Variants in SLC9C2 observed in about 807,000 individuals in gnomAD.
The protein encoded by SLC9C2 is sodium/hydrogen exchanger 11.
In SLC9C2, 75 loss-of-function variants were observed where a neutral mutation model predicts 140.2. The ratio of observed to expected loss-of-function variants is 0.53; its 90% confidence interval spans 0.44 to 0.65. The LOEUF (loss-of-function observed/expected upper bound fraction) is 0.65, where lower values mean the gene tolerates loss of function less well. SLC9C2 is among the 30% of genes least tolerant of loss of function. The pLI, the probability that SLC9C2 is intolerant of heterozygous loss-of-function variation, is 0.00. For missense variants in SLC9C2, 1,074 were observed against 1,331.8 expected, an observed-to-expected ratio of 0.81 and a Z score of 3.01; for synonymous variants, 375 against 420.9, an observed-to-expected ratio of 0.89 and a Z score of 1.34.
At chr1:173,542,841 G>T (rs1662534543) in intron 13 of SLC9C2, among the ~76,000 whole-genome samples, 1 of 152,096 alleles carries the variant, frequency 6.6e-6, no homozygotes, top group Non-Finnish European at 1.5e-5. Context: ...AATAAACTAG[G>T]TATTGATGGG....
At chr1:173,531,029 A>G (rs1661538738) in intron 17 of SLC9C2, among the ~76,000 whole-genome samples, 1 of 152,176 alleles carries the variant, frequency 6.6e-6, no homozygotes, top group South Asian at 2.1e-4. Context: ...GGGCACCTAA[A>G]GATTGCCAGT....
intron 8 of SLC9C2, among the ~76,000 whole-genome samples, chr1:173,575,494 A>C (rs1665116235): frequency 6.6e-6 from 1 of 152,188 alleles, no homozygotes; most frequent in Non-Finnish European, 1.5e-5. Flanking sequence ...TGGATTTAAA[A>C]ACACAGTAAT....
At position 173,581,782 on chromosome 1, in the gene SLC9C2, GA is replaced by G. The variant is rs1467338750; in HGVS notation, c.802+64del. 1.6e-5 allele frequency: 22 copies of G among 1,346,542 alleles called. No homozygotes were observed. In the East Asian group the frequency reaches 4.6e-4, roughly 28 times the overall value. 83.4% of individuals were successfully genotyped at this position (1,346,542 alleles called of 1,614,324 possible). A position where few individuals can be genotyped will look rare whatever the true frequency, so the allele number is the denominator to read the frequency against. ...GAGAAGCAACTGGATTCAAGATCAG[GA>G]AAAAATAAACATGTATAAAACTTAC... On this transcript the variant is annotated intron_variant, in intron 7 of 27. Transcript: ENST00000367714.
chr1:173,510,732 T>A (rs941925526), intron 23 of SLC9C2, among the ~76,000 whole-genome samples: 1 of 152,220 alleles, frequency 6.6e-6, no homozygotes, highest in Non-Finnish European at 1.5e-5. Flanking sequence ...ATCCAGTCTA[T>A]CATTGATGGG....
chr1:173,573,434 G>C, intron 8 of SLC9C2, 109 bp from the exon 9 acceptor site: 1 of 783,280 alleles, frequency 1.3e-6, no homozygotes, highest in Non-Finnish European at 1.9e-6. Context: ...CTTAGCAGAG[G>C]CCCTTGCCTT....
intron 26 of SLC9C2, 116 bp from the exon 27 acceptor site, chr1:173,503,442 T>C: frequency 2.2e-6 from 2 of 927,212 alleles, no homozygotes; most frequent in Middle Eastern, 2.3e-4. Context: ...CCCTTTTCCC[T>C]TCCCCCTCTC....
intron 10 of SLC9C2, among the ~76,000 whole-genome samples, chr1:173,556,972 G>T (rs1412082120): frequency 3.3e-5 from 5 of 151,472 alleles, no homozygotes; most frequent in Non-Finnish European, 5.9e-5. Flanking sequence ...GCATGTATGT[G>T]TTCAATAACA....
chr1:173,587,647 G>T lies in SLC9C2; in HGVS notation c.523+18C>A. 1 of 1,592,996 alleles carries T rather than the reference G, an allele frequency of 6.3e-7. No individual in the cohort carries two copies. Among genetic ancestry groups the T allele is most frequent in the African/African-American group, 1.3e-5 (1 of 74,174 alleles). On this transcript the variant is annotated intron_variant, in intron 5 of 27. Coordinates refer to ENST00000367714, the MANE Select transcript of SLC9C2 (RefSeq NM_178527.4). ...CCTTATATTTTCAAGATAAGAGAGA[G>T]AAATAAATGTGACATACCAATAGTT...
At chr1:173,503,629 T>C (rs1659432241) in intron 26 of SLC9C2, among the ~76,000 whole-genome samples, 1 of 152,180 alleles carries the variant, frequency 6.6e-6, no homozygotes, top group Admixed American at 6.5e-5. Flanking sequence ...GCTCCCTCTA[T>C]AGAAGCCAAA....
intron 11 of SLC9C2, among the ~76,000 whole-genome samples, chr1:173,549,191 C>G (rs578023721): frequency 2.6e-5 from 4 of 152,218 alleles, no homozygotes; most frequent in African/African-American, 9.6e-5. Context: ...AAGCTGTTCT[C>G]TCCTTAAAAT....
chr1:173,501,285 G>A (rs192826082), intron 27 of SLC9C2, among the ~76,000 whole-genome samples, 188 bp from the exon 28 acceptor site: 1 of 152,050 alleles, frequency 6.6e-6, no homozygotes, highest in Non-Finnish European at 1.5e-5. Flanking sequence ...GCATCTCTAC[G>A]CTGTCATCTT....
chr1:173,533,804 A>G lies in SLC9C2; in HGVS notation c.1975-7T>C, dbSNP rs1221966715. 2 of 1,595,256 alleles carry G rather than the reference A, an allele frequency of 1.3e-6. No homozygotes were observed. Among genetic ancestry groups the G allele is most frequent in the Non-Finnish European group, 1.7e-6 (2 of 1,171,170 alleles). On this transcript the variant is annotated splice_polypyrimidine_tract_variant and splice_region_variant and intron_variant, in intron 16 of 27. Transcript: ENST00000367714. ...TCCTTTTCAAAATTATTATCTGTAC[A>G]GAAAACAAATGTCATTTCATAGCAC... is the stretch of plus-strand genomic sequence containing the variant.
intron 7 of SLC9C2, 98 bp from the exon 8 acceptor site, chr1:173,576,858 G>A: frequency 1.3e-6 from 1 of 793,758 alleles, no homozygotes; most frequent in Non-Finnish European, 2.0e-6. Flanking sequence ...GGAATCTTAA[G>A]AGAAGTAGTA....
At chr1:173,526,533 G>A in intron 19 of SLC9C2, 130 bp downstream of exon 19, 1 of 818,196 alleles carries the variant, frequency 1.2e-6, no homozygotes, top group Non-Finnish European at 2.0e-6. Context: ...CCCATTAGCT[G>A]TGTTTAATAA....
At chr1:173,545,562 T>C (rs1374579931) in intron 13 of SLC9C2, among the ~76,000 whole-genome samples, 1 of 152,156 alleles carries the variant, frequency 6.6e-6, no homozygotes, top group Non-Finnish European at 1.5e-5. Flanking sequence ...CTTTTCTTTT[T>C]AGTTCACAGG....
intron 7 of SLC9C2, among the ~76,000 whole-genome samples, chr1:173,577,055 G>A (rs963524062): frequency 1.3e-5 from 2 of 152,224 alleles, no homozygotes; most frequent in Non-Finnish European, 2.9e-5. Context: ...GATGTGTCCA[G>A]TAAAACTTGG....
chr1:173,558,327 G>A (rs752453895), intron 9 of SLC9C2, among the ~76,000 whole-genome samples: 1 of 152,114 alleles, frequency 6.6e-6, no homozygotes, highest in Non-Finnish European at 1.5e-5. Flanking sequence ...CTTTTGCAAC[G>A]TGACTCTTAC....
chr1:173,562,295 T>C (rs981921824), intron 9 of SLC9C2, among the ~76,000 whole-genome samples: 41 of 152,200 alleles, frequency 2.7e-4, no homozygotes, highest in African/African-American at 8.7e-4. Context: ...AATCCTGAGG[T>C]CTGGATTTTT....
chr1:173,536,280 A>C (rs901347985), intron 14 of SLC9C2, among the ~76,000 whole-genome samples: 3 of 152,148 alleles, frequency 2.0e-5, no homozygotes, highest in African/African-American at 7.2e-5. Context: ...ACTTTCCCAA[A>C]CTTTATTCCA....
Sources: allele counts gnomAD v4.1 joint callset (sites outside exome capture counted in the v4.1 genomes callset), GRCh38; gene constraint gnomAD v4.1.1; transcripts MANE v1.5; gene names NCBI Gene and HGNC (gene_info 2026-07-23, HGNC 2026-07-21).